Variants in SULF2 observed in about 807,000 individuals in gnomAD.
SULF2 encodes the protein extracellular sulfatase Sulf-2.
Under a neutral mutation model 107.7 loss-of-function variants are expected in SULF2, and 52 were observed. The ratio of observed to expected loss-of-function variants is 0.48; its 90% CI spans 0.39 to 0.61. The LOEUF is 0.61. Ranked by LOEUF, SULF2 falls within the 20% of genes least tolerant of loss-of-function variation. SULF2 has a pLI of 0.00. For synonymous variants in SULF2, 460 were observed against 464.3 expected, an observed-to-expected ratio of 0.99 and a Z score of 0.12; for missense variants, 993 against 1,177.3, an observed-to-expected ratio of 0.84 and a Z score of 2.29.
intron 3 of SULF2, among the ~76,000 whole-genome samples, chr20:47,709,176 C>T (rs1825870709): frequency 6.6e-6 from 1 of 152,060 alleles, no homozygotes; most frequent in Non-Finnish European, 1.5e-5. Context: ...AAGCCCAGCC[C>T]AAATTGTGGC....
chr20:47,705,804 CTTTTT>C (rs34029135), intron 3 of SULF2, among the ~76,000 whole-genome samples: 3 of 137,548 alleles, frequency 2.2e-5, no homozygotes, highest in African/African-American at 8.2e-5. Context: ...CTTTTCTTTT[CTTTTT>C]TTTTTTTTTG....
chr20:47,663,762 G>T, intron 15 of SULF2, 140 bp from the exon 16 acceptor site: 1 of 998,038 alleles, frequency 1.0e-6, no homozygotes, highest in Non-Finnish European at 1.5e-6. Flanking sequence ...AGGGTCCCAA[G>T]TCCCAGTGCT....
At position 47,735,507 on chromosome 20, in the gene SULF2, G is replaced by C. The variant is rs1000680202; in HGVS notation, c.415+1196C>G. Among the ~76,000 whole-genome samples, 6 of 152,292 alleles carry C rather than the reference G, an allele frequency of 3.9e-5. No individual in the cohort carries two copies. In the South Asian group the frequency reaches 1.2e-3, roughly 32 times the overall value. On this transcript the variant is annotated intron_variant, in intron 3 of 20. Transcript: ENST00000688720. ...CCACTGCTGTGCTGCGGGCCTGCCT[G>C]TCCTGCTTCTGCTAGCAACATCCAG... is the stretch of plus-strand genomic sequence containing the variant.
At chr20:47,729,029 G>A (rs921420536) in intron 3 of SULF2, among the ~76,000 whole-genome samples, 2 of 152,248 alleles carry the variant, frequency 1.3e-5, no homozygotes, top group East Asian at 1.9e-4. Context: ...GGTGATGGGG[G>A]CACTGGTGGG....
chr20:47,669,426 C>T (rs2087389729), intron 11 of SULF2, among the ~76,000 whole-genome samples: 1 of 152,202 alleles, frequency 6.6e-6, no homozygotes, highest in East Asian at 1.9e-4. Context: ...TTGCCGCATC[C>T]ATAGCCTCTG....
rs1295697752 is a variant in SULF2, at chr20:47,682,987, C to G, written c.1064+7G>C. 6.3e-7 allele frequency: 1 copy of G among 1,596,580 alleles called. No individual in the cohort carries two copies. The highest frequency in any genetic ancestry group is 1.1e-5 in the South Asian group (1 of 88,828). On this transcript the variant is annotated splice_region_variant and intron_variant, in intron 7 of 20. Coordinates refer to ENST00000688720, the MANE Select transcript of SULF2 (RefSeq NM_001387048.1). The stretch of plus-strand genomic sequence containing the variant: ...CTCCCTGGGTCCCTGGGGGATGACA[C>G]ACTTACAGACAGCCGGCTTCCACGT...
intron 2 of SULF2, among the ~76,000 whole-genome samples, chr20:47,739,902 T>C (rs779214801): frequency 6.6e-6 from 1 of 152,178 alleles, no homozygotes; most frequent in Non-Finnish European, 1.5e-5. Flanking sequence ...AAATGTGACA[T>C]TAAATAGCAT....
chr20:47,785,451 TGCC>T lies in SULF2; in HGVS notation c.-212_-210del, dbSNP rs1224331666. The T allele has an allele frequency of 1.2e-3, 169 of 146,596 alleles. No homozygotes were observed. Among genetic ancestry groups the T allele is most frequent in the Middle Eastern group, 3.0e-3 (1 of 338 alleles). The allele number at this position is 146,596 out of a possible 1,614,324, so 9.1% of individuals were successfully genotyped here. The stretch of plus-strand genomic sequence containing the variant: ...GGGGACTCCGCGCCGCCGCTGCCGC[TGCC>T]GCCGCCGCCGCCGCCGCTGCCGCTG... On this transcript the variant is annotated 5_prime_UTR_variant, in exon 1 of 21. Coordinates refer to ENST00000688720, the MANE Select transcript of SULF2 (RefSeq NM_001387048.1).
At chr20:47,777,047 A>G (rs1290135270) in intron 1 of SULF2, among the ~76,000 whole-genome samples, 2 of 152,228 alleles carry the variant, frequency 1.3e-5, no homozygotes, top group Non-Finnish European at 2.9e-5. Flanking sequence ...AGCGATGAAC[A>G]AGACAGACAA....
At chr20:47,696,929 G>C (rs769827325) in intron 4 of SULF2, among the ~76,000 whole-genome samples, 1 of 152,164 alleles carries the variant, frequency 6.6e-6, no homozygotes, top group Non-Finnish European at 1.5e-5. Context: ...AATAAACAGA[G>C]CTACAACCAG....
chr20:47,672,140 G>A, intron 11 of SULF2, 58 bp downstream of exon 11: 2 of 1,528,962 alleles, frequency 1.3e-6, no homozygotes, highest in Non-Finnish European at 1.8e-6. Context: ...GAATGAATGG[G>A]GCCCCCCAGG....
upstream of SULF2, chr20:47,786,580 T>G (rs546473077): frequency 6.6e-6 from 1 of 151,726 alleles, no homozygotes; most frequent in East Asian, 1.9e-4. Flanking sequence ...TAACTTCGGC[T>G]CAAGTGAAAA....
At chr20:47,684,376 G>A in intron 6 of SULF2, 55 bp downstream of exon 6, 1 of 1,536,156 alleles carries the variant, frequency 6.5e-7, no homozygotes, top group Non-Finnish European at 8.7e-7. Flanking sequence ...CTCGGCCCTG[G>A]CCTGGCTGGG....
In SULF2 at chr20:47,733,687, C is replaced by T. The variant is rs577824419; in HGVS notation, c.415+3016G>A. Among the ~76,000 whole-genome samples the T allele has an allele frequency of 1.3e-4, 20 of 152,278 alleles. No homozygotes were observed. The East Asian group carries it at 3.5e-3, about 26-fold the overall frequency. On this transcript the variant is annotated intron_variant, in intron 3 of 20. Coordinates refer to ENST00000688720, the MANE Select transcript of SULF2 (RefSeq NM_001387048.1). Reference sequence around the variant, plus strand: ...ATTCAGGAGGCTGAGACAGGAGAATCGCTTGAACCCAGGAGGCAGAGGTTG... The same window carrying T: ...ATTCAGGAGGCTGAGACAGGAGAATTGCTTGAACCCAGGAGGCAGAGGTTG...
intron 2 of SULF2, among the ~76,000 whole-genome samples, chr20:47,743,995 C>A (rs183361441): frequency 4.6e-5 from 7 of 152,108 alleles, no homozygotes; most frequent in African/African-American, 1.7e-4. Flanking sequence ...TTCCTTCTTG[C>A]CTTTTGCTGC....
chr20:47,687,042 C>T (rs1423617603), intron 5 of SULF2, among the ~76,000 whole-genome samples: 2 of 152,164 alleles, frequency 1.3e-5, no homozygotes, highest in Non-Finnish European at 2.9e-5. Flanking sequence ...GAGCAGCGAG[C>T]GTGTGGGAAA....
Position 47,678,850 on chromosome 20 carries a change from G to A in SULF2, c.1065-46C>T. 6.3e-7 allele frequency: 1 copy of A among 1,591,604 alleles called. No individual in the cohort carries two copies. Among genetic ancestry groups the A allele is most frequent in the Non-Finnish European group, 8.6e-7 (1 of 1,165,502 alleles). ...GGGACTCAGTCACTCAGGTGGTGGT[G>A]CCTCAGCCTCGCGTGGGGGGTGGGG... On this transcript the variant is annotated intron_variant, in intron 7 of 20. Transcript: ENST00000688720. The surrounding 1 kb of genome is among the most constrained non-coding windows in gnomAD (Gnocchi z 4.5).
At chr20:47,782,416 A>G (rs1371799018) in intron 1 of SULF2, among the ~76,000 whole-genome samples, 1 of 152,154 alleles carries the variant, frequency 6.6e-6, no homozygotes, top group Admixed American at 6.5e-5. Context: ...CTGTCTGTAG[A>G]TCTCCACCAA....
rs567938432 is a variant in SULF2 at position 47,665,939 on chromosome 20, T to A, written c.1820A>T (p.Glu607Val). Residue 607 changes from glutamate to valine, a missense_variant, in exon 13 of 21, where the codon GAG (glutamate) becomes GTG (valine). By Grantham distance (121) the Glu-to-Val change is moderately radical. Transcript: ENST00000688720. The part of the protein sequence containing the change: ...IKVTHRCYIL[E>V]NDTVQCDLDL... ...CAGGTCACACTGGACTGTGTCGTTC[T>A]CTAGGATGTAGCACCTGCTTGAGAG... 40 of 1,614,128 alleles carry A rather than the reference T, an allele frequency of 2.5e-5. No individual in the cohort carries two copies. The Middle Eastern group carries it at 6.6e-4, about 27-fold the overall frequency.
Sources: gnomAD v4.1 joint callset for allele counts (sites outside exome capture counted in the v4.1 genomes callset) on GRCh38, gnomAD v4.1.1 for gene constraint, Gnocchi (gnomAD v3.1) non-coding constraint, MANE v1.5 for transcripts, NCBI Gene and HGNC (gene_info 2026-07-23, HGNC 2026-07-21) for gene names.